Variants in NLGN1 observed in about 807,000 individuals in gnomAD.
NLGN1 encodes the protein neuroligin 1.
In NLGN1, 12 loss-of-function variants were observed where a neutral mutation model predicts 65.5. The ratio of observed to expected loss-of-function variants is 0.18; its 90% CI spans 0.12 to 0.30. The LOEUF (loss-of-function observed/expected upper bound fraction) is 0.30, where lower values mean the gene tolerates loss of function less well. Among genes scored for constraint, NLGN1 ranks in the 10% least tolerant of loss-of-function variants. NLGN1 has a pLI of 1.00. For synonymous variants in NLGN1, 350 were observed against 359.5 expected, an observed-to-expected ratio of 0.97 and a Z score of 0.30; for missense variants, 750 against 1,007.1, an observed-to-expected ratio of 0.74 and a Z score of 3.46.
intron 2 of NLGN1, among the ~76,000 whole-genome samples, chr3:173,458,776 G>T (rs1269565031): frequency 6.6e-6 from 1 of 152,110 alleles, no homozygotes; most frequent in East Asian, 1.9e-4. Context: ...AAGTTTTAAG[G>T]TTGTTTAATT....
chr3:174,214,053 C>T (rs1737163658), intron 4 of NLGN1, among the ~76,000 whole-genome samples: 1 of 152,000 alleles, frequency 6.6e-6, no homozygotes, highest in African/African-American at 2.4e-5. Context: ...AGAATTTTGA[C>T]TTACCGTAAG....
intron 4 of NLGN1, among the ~76,000 whole-genome samples, chr3:173,829,708 G>T (rs1722113624): frequency 6.6e-6 from 1 of 152,104 alleles, no homozygotes. Flanking sequence ...ATAACTGAAA[G>T]TTTGTACCAT....
chr3:174,164,327 T>G (rs941550169), intron 4 of NLGN1, among the ~76,000 whole-genome samples: 3 of 152,054 alleles, frequency 2.0e-5, no homozygotes, highest in African/African-American at 7.2e-5. Context: ...TCCTGGATAT[T>G]AGACCTTTGT....
intron 4 of NLGN1, among the ~76,000 whole-genome samples, chr3:173,818,709 CTCT>C (rs1719537184): frequency 6.6e-6 from 1 of 152,082 alleles, no homozygotes; most frequent in Non-Finnish European, 1.5e-5. Context: ...ATAAAACGTT[CTCT>C]TCTTCACCTG....
chr3:174,170,918 G>T (rs1235651100), intron 4 of NLGN1, among the ~76,000 whole-genome samples: 2 of 152,024 alleles, frequency 1.3e-5, no homozygotes, highest in African/African-American at 4.8e-5. Flanking sequence ...CAGAATTATC[G>T]CTGAACTTGA....
chr3:174,065,380 C>A, intron 4 of NLGN1, among the ~76,000 whole-genome samples: 1 of 152,050 alleles, frequency 6.6e-6, no homozygotes, highest in East Asian at 1.9e-4. Context: ...ATAAATTTAT[C>A]ATTCACTCTT....
chr3:174,031,463 T>TA (rs560431986), intron 4 of NLGN1, among the ~76,000 whole-genome samples: 72 of 152,138 alleles, frequency 4.7e-4, no homozygotes, highest in African/African-American at 1.6e-3. Flanking sequence ...AGGTTTGTGA[T>TA]AAAAAACATC....
intron 3 of NLGN1, among the ~76,000 whole-genome samples, chr3:173,734,235 C>G (rs1329388024): frequency 1.3e-5 from 2 of 151,704 alleles, no homozygotes; most frequent in Non-Finnish European, 2.9e-5. Context: ...CATGTTAAGG[C>G]CTTAGAGCCT....
chr3:173,860,209 CA>C (rs1041146973), intron 4 of NLGN1, among the ~76,000 whole-genome samples: 1 of 151,758 alleles, frequency 6.6e-6, no homozygotes, highest in Non-Finnish European at 1.5e-5. Flanking sequence ...TATACCTTTC[CA>C]AAAATACTGT....
intron 2 of NLGN1, among the ~76,000 whole-genome samples, chr3:173,515,587 C>T (rs1184479423): frequency 2.0e-5 from 3 of 152,040 alleles, no homozygotes; most frequent in Non-Finnish European, 4.4e-5. Flanking sequence ...AAGTTTTACC[C>T]AGTGTTTCTT....
intron 3 of NLGN1, among the ~76,000 whole-genome samples, chr3:173,739,402 A>G (rs534907858): frequency 1.3e-5 from 2 of 152,124 alleles, no homozygotes; most frequent in Non-Finnish European, 2.9e-5. Context: ...AAAGGCTACC[A>G]ATGAAAGGTC....
intron 3 of NLGN1, among the ~76,000 whole-genome samples, chr3:173,659,798 G>T (rs1760653323): frequency 6.6e-6 from 1 of 151,444 alleles, no homozygotes; most frequent in African/African-American, 2.4e-5. Flanking sequence ...AGGGGGTGGT[G>T]GTTTCTTCAC....
chr3:173,441,469 A>G (rs1158627318), intron 2 of NLGN1, among the ~76,000 whole-genome samples: 3 of 152,130 alleles, frequency 2.0e-5, no homozygotes, highest in Admixed American at 1.3e-4. Flanking sequence ...TTTCACTTGA[A>G]CAGTGAGGGA....
chr3:173,751,195 A>T (rs1300184440), intron 3 of NLGN1, among the ~76,000 whole-genome samples: 1 of 152,080 alleles, frequency 6.6e-6, no homozygotes, highest in East Asian at 1.9e-4. Context: ...ACTAGTTAAG[A>T]TAATGTTTGT....
chr3:173,793,583 T>A (rs764585631), intron 3 of NLGN1, among the ~76,000 whole-genome samples: 1 of 152,184 alleles, frequency 6.6e-6, no homozygotes, highest in Non-Finnish European at 1.5e-5. Context: ...GAATTTAACT[T>A]TAAATACATA....
At chr3:173,815,048 T>G (rs1277877794) in intron 4 of NLGN1, among the ~76,000 whole-genome samples, 2 of 151,694 alleles carry the variant, frequency 1.3e-5, no homozygotes, top group Non-Finnish European at 2.9e-5. Context: ...CTTTCTTTCT[T>G]TTTCTTTCTC....
intron 3 of NLGN1, among the ~76,000 whole-genome samples, chr3:173,645,546 G>A (rs943953264): frequency 3.3e-5 from 5 of 152,344 alleles, no homozygotes; most frequent in East Asian, 3.9e-4. Context: ...AGTTGAGAAT[G>A]AATGATGCCC....
chr3:173,605,971 C>A (rs1030096591), intron 3 of NLGN1, among the ~76,000 whole-genome samples: 6 of 152,012 alleles, frequency 3.9e-5, no homozygotes, highest in African/African-American at 1.4e-4. Context: ...TATTTGTGTT[C>A]CTCTTAGAAT....
At position 174,279,490 on chromosome 3, in the gene NLGN1, G is replaced by T. The variant is rs760406978; in HGVS notation, c.1489G>T (p.Val497Phe). The T allele has an allele frequency of 1.9e-6, 3 of 1,613,150 alleles. No homozygotes were observed. Among genetic ancestry groups the T allele is most frequent in the East Asian group, 2.2e-5 (1 of 44,808 alleles). Residue 497 changes from valine to phenylalanine, a missense_variant, in exon 6 of 7, where the codon GTT becomes TTT. Transcript: ENST00000457714. This position sits in a 1 kb window ranked among gnomAD's most constrained non-coding sequence, Gnocchi z 4.7. ...TTACCATCATTGCCAAACAGATCAG[G>T]TTCCAGCTTGGGCTGATGCAGCCCA...
Sources: gnomAD v4.1 joint callset for allele counts (sites outside exome capture counted in the v4.1 genomes callset) on GRCh38, gnomAD v4.1.1 for gene constraint, Gnocchi (gnomAD v3.1) non-coding constraint, MANE v1.5 for transcripts, NCBI Gene and HGNC (gene_info 2026-07-23, HGNC 2026-07-21) for gene names.